The following TMEM117 variants were observed in gnomAD, a reference collection of about 807,000 sequenced individuals.
TMEM117 encodes transmembrane protein 117.
Under a neutral mutation model 52.4 loss-of-function variants are expected in TMEM117, and 27 were observed. The observed-to-expected ratio is 0.51, with a 90% confidence interval of 0.38 to 0.71. The LOEUF is 0.71. Ranked by LOEUF, TMEM117 falls within the 30% of genes least tolerant of loss-of-function variation. The pLI is 0.00. For missense variants in TMEM117, 556 were observed against 630.5 expected, an observed-to-expected ratio of 0.88 and a Z score of 1.26; for synonymous variants, 215 against 206.3, an observed-to-expected ratio of 1.04 and a Z score of -0.36.
chr12:44,284,456 T>C (rs1950614903), intron 5 of TMEM117, among the ~76,000 whole-genome samples: 1 of 152,240 alleles, frequency 6.6e-6, no homozygotes, highest in African/African-American at 2.4e-5. Flanking sequence ...AACAGACTAA[T>C]ACAATTTCCC....
intron 5 of TMEM117, among the ~76,000 whole-genome samples, chr12:44,286,452 A>G (rs1434609276): frequency 6.6e-6 from 1 of 152,104 alleles, no homozygotes; most frequent in Non-Finnish European, 1.5e-5. Context: ...TACCAGTTTA[A>G]TGAAAATTAA....
rs1592735837 is a variant in TMEM117, at chr12:44,388,239, A to C, written c.1112A>C (p.Asn371Thr). 4 of 1,613,484 alleles carry C rather than the reference A, an allele frequency of 2.5e-6. No homozygotes were observed. Among genetic ancestry groups the C allele is most frequent in the Non-Finnish European group, 3.4e-6 (4 of 1,179,668 alleles). ...TCCAATCACACTAACCCTCGGACTA[A>C]TAAAACATATGTTGAGGGAGACATG... ...WRSNHTNPRT[N>T]KTYVEGDMFL... Residue 371 changes from asparagine (N) to threonine (T), a missense_variant, in exon 8 of 8, where the codon AAT becomes ACT. Coordinates refer to ENST00000266534, the MANE Select transcript of TMEM117 (RefSeq NM_032256.3).
At chr12:43,802,522 G>A in the TMEM117 span, 3 of 1,251,738 alleles carry the variant, frequency 2.4e-6, no homozygotes, top group East Asian at 2.5e-5. Context: ...AAGTGGTAGT[G>A]TGATGAAGAC....
intron 5 of TMEM117, among the ~76,000 whole-genome samples, chr12:44,268,731 TA>T (rs1950410715): frequency 6.6e-6 from 1 of 152,158 alleles, no homozygotes; most frequent in Middle Eastern, 3.2e-3. Context: ...GTTTAAATTT[TA>T]ATTTCCTTGA....
chr12:44,044,418 A>G (rs1198867734), intron 3 of TMEM117, among the ~76,000 whole-genome samples: 1 of 152,184 alleles, frequency 6.6e-6, no homozygotes, highest in African/African-American at 2.4e-5. Context: ...TCACCATGCA[A>G]CCTGAATGAA....
chr12:44,322,394 T>G (rs1951143326), intron 6 of TMEM117, among the ~76,000 whole-genome samples: 1 of 152,190 alleles, frequency 6.6e-6, no homozygotes, highest in South Asian at 2.1e-4. Context: ...TTATACACCC[T>G]CTCTGTTTTC....
intron 2 of TMEM117, among the ~76,000 whole-genome samples, chr12:43,882,123 T>G (rs1384110798): frequency 6.6e-6 from 1 of 151,926 alleles, no homozygotes; most frequent in Non-Finnish European, 1.5e-5. Context: ...ACTTTAAAAA[T>G]GTACTTACTA....
At chr12:44,107,725 T>C (rs1213415464) in intron 3 of TMEM117, among the ~76,000 whole-genome samples, 2 of 152,176 alleles carry the variant, frequency 1.3e-5, no homozygotes, top group African/African-American at 4.8e-5. Context: ...AGAAACATTA[T>C]TTTACTTCTT....
chr12:43,819,628 C>T, the TMEM117 span, among the ~76,000 whole-genome samples: 1 of 152,146 alleles, frequency 6.6e-6, no homozygotes, highest in Non-Finnish European at 1.5e-5. Context: ...CAAAAATTAG[C>T]TGGGCGTGGT....
chr12:43,889,453 T>C (rs1277854791), intron 2 of TMEM117, among the ~76,000 whole-genome samples: 6 of 152,142 alleles, frequency 3.9e-5, no homozygotes. Context: ...CACACTCTTA[T>C]GAGAATCTAA....
Position 44,214,214 on chromosome 12 carries a change from C to T in TMEM117, c.608+2827C>T, listed in dbSNP as rs575707934. ...CAGGCTGGAGTGCGTGGCACAGTCT[C>T]GGCTCACTGCAGCCTCTGCCTCCCA... On this transcript the variant is annotated intron_variant, in intron 5 of 7. Transcript: ENST00000266534. Among the ~76,000 whole-genome samples, 7 of 142,924 alleles carry T rather than the reference C, an allele frequency of 4.9e-5. No homozygotes were observed. The East Asian group carries it at 1.1e-3, about 22-fold the overall frequency. 93.8% of individuals were successfully genotyped at this position (142,924 alleles called of 152,430 possible).
chr12:44,251,908 C>T (rs1459826372), intron 5 of TMEM117, among the ~76,000 whole-genome samples: 1 of 152,074 alleles, frequency 6.6e-6, no homozygotes, highest in East Asian at 1.9e-4. Flanking sequence ...AACTTCCTAC[C>T]CAGAGATCAC....
intron 2 of TMEM117, among the ~76,000 whole-genome samples, chr12:43,891,999 C>T (rs958583902): frequency 6.6e-6 from 1 of 152,112 alleles, no homozygotes; most frequent in South Asian, 2.1e-4. Context: ...CCAAACTGGC[C>T]TCTTTGTCAA....
At chr12:43,984,405 A>ACAACAG (rs60356044) in intron 3 of TMEM117, among the ~76,000 whole-genome samples, 87 of 149,732 alleles carry the variant, frequency 5.8e-4, no homozygotes, top group African/African-American at 1.8e-3. Flanking sequence ...AACAACAACA[A>ACAACAG]CAGCATATCA....
chr12:44,118,821 A>C (rs2138131710), intron 3 of TMEM117, among the ~76,000 whole-genome samples: 1 of 152,316 alleles, frequency 6.6e-6, no homozygotes, highest in East Asian at 1.9e-4. Flanking sequence ...TTAATTAATG[A>C]AATCCTGTTA....
intron 3 of TMEM117, among the ~76,000 whole-genome samples, chr12:43,965,068 C>T (rs142679448): frequency 6.2e-4 from 94 of 152,284 alleles, no homozygotes; most frequent in African/African-American, 2.1e-3. Flanking sequence ...CTTTTGCACT[C>T]GTCCTGGTTG....
chr12:44,079,229 G>T (rs1428794839), intron 3 of TMEM117, among the ~76,000 whole-genome samples: 2 of 152,120 alleles, frequency 1.3e-5, no homozygotes, highest in Admixed American at 6.6e-5. Context: ...TATATACCCG[G>T]TAATGGGATT....
chr12:44,311,785 A>ATATG (rs1565701276), intron 6 of TMEM117, among the ~76,000 whole-genome samples: 12 of 18,244 alleles, frequency 6.6e-4, no homozygotes, highest in African/African-American at 1.2e-3. Flanking sequence ...ATGTGTATAT[A>ATATG]TGTATATATA....
chr12:44,337,149 C>T (rs1215441873), intron 6 of TMEM117, among the ~76,000 whole-genome samples: 1 of 151,928 alleles, frequency 6.6e-6, no homozygotes, highest in African/African-American at 2.4e-5. Context: ...AAAATATTTC[C>T]TTACAGTCAG....
Sources: allele counts gnomAD v4.1 joint callset (sites outside exome capture counted in the v4.1 genomes callset), GRCh38; gene constraint gnomAD v4.1.1; transcripts MANE v1.5; gene names NCBI Gene and HGNC (gene_info 2026-07-23, HGNC 2026-07-21).